MROH2B: variants seen among roughly 807,000 people sequenced by gnomAD.
The protein encoded by MROH2B is maestro heat-like repeat-containing protein family member 2B.
In MROH2B, 177 loss-of-function variants were observed where a neutral mutation model predicts 208.6. The observed-to-expected ratio is 0.85, with a 90% CI of 0.75 to 0.96. The LOEUF (loss-of-function observed/expected upper bound fraction) is 0.96, where lower values mean the gene tolerates loss of function less well. Ranked by LOEUF, MROH2B falls within the 40% of genes least tolerant of loss-of-function variation. The probability of loss-of-function intolerance (pLI) is 0.00; values close to 1 mark genes in which losing one functional copy is unlikely to be tolerated. For missense variants in MROH2B, 2,002 were observed against 1,878.7 expected (o/e 1.07, Z -1.21); for synonymous variants, 728 against 659.0 (o/e 1.10, Z -1.60).
At position 41,067,191 on chromosome 5, in the gene MROH2B, CA is replaced by C; in HGVS notation, c.117del (p.Val40LeufsTer16). ...TCCAAGATGTCAGTATTCTGAATAA[CA>C]GAAGTGAGATGACTGTAAATGTCTT... ...NKEDIYSHLT[S>X]VIQNTDILDD... On this transcript the variant is annotated frameshift_variant, in exon 3 of 42. Coordinates refer to ENST00000399564, the MANE Select transcript of MROH2B (RefSeq NM_173489.5). LOFTEE classifies it high-confidence loss of function. 6.4e-7 allele frequency: 1 copy of C among 1,553,310 alleles called. No homozygotes were observed. The highest frequency in any genetic ancestry group is 8.7e-7 in the Non-Finnish European group (1 of 1,146,940).
In MROH2B at chr5:41,004,765, G is replaced by A. The variant is rs763926655; in HGVS notation, c.4011+9C>T. The A allele has an allele frequency of 4.3e-6, 7 of 1,609,646 alleles. No individual in the cohort carries two copies. The Admixed American group carries it at 1.0e-4, about 23-fold the overall frequency. ...TAAATGAACCATTTCCCCTTAAAAC[G>A]CCTTTTACCTTGTGAGGAGCCCCGG... On this transcript the variant is annotated intron_variant, in intron 36 of 41. Coordinates refer to ENST00000399564, the MANE Select transcript of MROH2B (RefSeq NM_173489.5).
At chr5:41,039,137 C>A (rs1436844380) in intron 20 of MROH2B, among the ~76,000 whole-genome samples, 1 of 152,046 alleles carries the variant, frequency 6.6e-6, no homozygotes, top group African/African-American at 2.4e-5. Context: ...TTATCAGGCC[C>A]CTTTCCTTCA....
At chr5:41,067,974 G>T (rs909386152) in intron 2 of MROH2B, among the ~76,000 whole-genome samples, 36 of 152,188 alleles carry the variant, frequency 2.4e-4, no homozygotes, top group Admixed American at 2.2e-3. Context: ...ACATTTACAG[G>T]CCCTTGTTTC....
chr5:40,998,060 G>A lies in MROH2B; in HGVS notation c.4750C>T (p.Pro1584Ser). ...GTTTATTTCTTGATGGCTTACAGAG[G>A]AATGCTTGTCTCTTTACACCTTCTC... The part of the protein sequence containing the change: ...LLRRCKETSI[P>S]L Residue 1584 changes from proline (P) to serine (S), a missense_variant, in exon 42 of 42, where the codon CCT becomes TCT. Physicochemically the swap from Pro to Ser is moderately conservative, Grantham distance 74. Transcript: ENST00000399564. 1 of 1,608,118 alleles carries A rather than the reference G, an allele frequency of 6.2e-7. No homozygotes were observed. Among genetic ancestry groups the A allele is most frequent in the Non-Finnish European group, 8.5e-7 (1 of 1,175,488 alleles).
intron 24 of MROH2B, among the ~76,000 whole-genome samples, chr5:41,030,189 C>G (rs1300522013): frequency 6.6e-6 from 1 of 151,844 alleles, no homozygotes. Flanking sequence ...GATATACAAA[C>G]AGCTAACAAA....
rs1741281957 is a variant in MROH2B at position 40,998,547 on chromosome 5, A to T, written c.4651+65T>A. ...TCTGGGCTGACGTGGAACTTAGAAC[A>T]GCAATATTTTCTCTTTTCCTAAGAA... On this transcript the variant is annotated intron_variant, in intron 41 of 41. Coordinates refer to ENST00000399564, the MANE Select transcript of MROH2B (RefSeq NM_173489.5). 3.0e-6 allele frequency: 4 copies of T among 1,329,354 alleles called. No homozygotes were observed. In the Admixed American group the frequency reaches 8.1e-5, roughly 27 times the overall value. 82.3% of individuals were successfully genotyped at this position (1,329,354 alleles called of 1,614,324 possible). A position where few individuals can be genotyped will look rare whatever the true frequency, so the allele number is the denominator to read the frequency against.
chr5:41,055,762 C>T lies in MROH2B; in HGVS notation c.1013G>A (p.Arg338Lys). The change falls in exon 10 of 42, where the codon AGA becomes AAA. Residue 338 changes from arginine (R) to lysine (K), a missense_variant. By Grantham distance (26) the Arg-to-Lys change is conservative. Coordinates refer to ENST00000399564, the MANE Select transcript of MROH2B (RefSeq NM_173489.5). ...AIRVGILTLL[R>K]LAVNADEPRL... is the part of the protein sequence containing the mutation. The stretch of plus-strand genomic sequence containing the variant: ...CTTACCATCAGCATTGACAGCCAAT[C>T]TTAACAAAGTCAAGATTCCCACTCG... 1.2e-6 allele frequency: 2 copies of T among 1,613,776 alleles called. No individual in the cohort carries two copies. The highest frequency in any genetic ancestry group is 1.7e-6 in the Non-Finnish European group (2 of 1,179,788).
chr5:41,036,298 G>T (rs1424160612), intron 21 of MROH2B, among the ~76,000 whole-genome samples: 3 of 152,052 alleles, frequency 2.0e-5, no homozygotes, highest in Non-Finnish European at 2.9e-5. Flanking sequence ...TAGTGAATAA[G>T]TCTCATGAGA....
At chr5:41,062,572 T>G (rs1376348207) in intron 5 of MROH2B, among the ~76,000 whole-genome samples, 1 of 152,234 alleles carries the variant, frequency 6.6e-6, no homozygotes, top group Non-Finnish European at 1.5e-5. Flanking sequence ...CGAATCCATA[T>G]ATATTTGCAT....
intron 2 of MROH2B, among the ~76,000 whole-genome samples, chr5:41,067,696 C>T (rs1368789162): frequency 6.6e-6 from 1 of 152,118 alleles, no homozygotes; most frequent in East Asian, 1.9e-4. Context: ...ACATAACATG[C>T]ATCTTTAGGA....
Position 41,049,052 on chromosome 5 carries a change from C to A in MROH2B, c.1542+49G>T, listed in dbSNP as rs1415207153. 6.5e-6 allele frequency: 10 copies of A among 1,539,430 alleles called. 1 individual carries two copies. In the South Asian group the frequency reaches 1.2e-4, roughly 18 times the overall value. ...TAGCACTTATTTGGAACTGAACTAT[C>A]CTTATCAGCTTAAATTTGTTCTACT... On this transcript the variant is annotated intron_variant, in intron 15 of 41. Coordinates refer to ENST00000399564, the MANE Select transcript of MROH2B (RefSeq NM_173489.5).
At position 41,052,441 on chromosome 5, in the gene MROH2B, C is replaced by T. The variant is rs755180268; in HGVS notation, c.1230+24G>A. 10 of 1,596,458 alleles carry T rather than the reference C, an allele frequency of 6.3e-6. No individual in the cohort carries two copies. The East Asian group carries it at 2.3e-4, about 36-fold the overall frequency. On this transcript the variant is annotated intron_variant, in intron 12 of 41. Coordinates refer to ENST00000399564, the MANE Select transcript of MROH2B (RefSeq NM_173489.5). The stretch of plus-strand genomic sequence containing the variant: ...GAACTGTACTTTTTATAGTGCATCA[C>T]TCAAAACTGTAGCCTCTGCATACCA...
chr5:41,038,617 A>T (rs992916642), intron 21 of MROH2B, 119 bp downstream of exon 21: 1 of 964,380 alleles, frequency 1.0e-6, no homozygotes, highest in Non-Finnish European at 1.5e-6. Context: ...GTCTGTTTTC[A>T]CGTGGCTGAT....
chr5:41,001,402 C>T (rs761642936), intron 37 of MROH2B, among the ~76,000 whole-genome samples: 6 of 151,972 alleles, frequency 3.9e-5, no homozygotes, highest in Admixed American at 3.9e-4. Context: ...TCCAGGATGG[C>T]AGGCGATGAT....
Position 40,998,613 on chromosome 5 carries a change from T to G in MROH2B, c.4650A>C (p.Thr1550=). The change falls in exon 41 of 42, where the codon ACA becomes ACC. Residue 1550 remains threonine (T), a splice_region_variant and synonymous_variant. Transcript: ENST00000399564. ...GGAAGAAACTAGGTTGGTACTCACG[T>G]GTGGTCAGTTGTTCTCTGTCTAGTA... ...VELLDREQLT[T]RLQALRQDPC... The G allele has an allele frequency of 6.3e-7, 1 of 1,594,342 alleles. No individual in the cohort carries two copies. Among genetic ancestry groups the G allele is most frequent in the Non-Finnish European group, 8.6e-7 (1 of 1,169,266 alleles).
chr5:41,052,608 T>TAGCAAC, intron 11 of MROH2B, 21 bp from the exon 12 acceptor site: 1 of 1,585,098 alleles, frequency 6.3e-7, no homozygotes, highest in Non-Finnish European at 8.6e-7. Flanking sequence ...AACAATGCAA[T>TAGCAAC]AGCAACATTT....
At chr5:41,036,028 A>T (rs1225057366) in intron 21 of MROH2B, among the ~76,000 whole-genome samples, 1 of 152,118 alleles carries the variant, frequency 6.6e-6, no homozygotes, top group Non-Finnish European at 1.5e-5. Context: ...AAAAAGACAC[A>T]TGCACTCATA....
chr5:41,023,086 A>G (rs2111893228), intron 24 of MROH2B, among the ~76,000 whole-genome samples: 1 of 152,278 alleles, frequency 6.6e-6, no homozygotes. Flanking sequence ...AACCACAAAG[A>G]TGGGGAGAAA....
intron 18 of MROH2B, among the ~76,000 whole-genome samples, 164 bp downstream of exon 18, chr5:41,045,582 A>G (rs948252435): frequency 6.6e-6 from 1 of 152,166 alleles, no homozygotes; most frequent in African/African-American, 2.4e-5. Context: ...AGGTGCAGAG[A>G]AGGTCATATT....
Sources: allele counts gnomAD v4.1 joint callset (sites outside exome capture counted in the v4.1 genomes callset), GRCh38; gene constraint gnomAD v4.1.1; transcripts MANE v1.5; gene names NCBI Gene and HGNC (gene_info 2026-07-23, HGNC 2026-07-21).